The following TAC1 variants were observed in gnomAD, a reference collection of about 807,000 sequenced individuals.
The protein encoded by TAC1 is protachykinin-1.
Under a neutral mutation model 21.7 loss-of-function variants are expected in TAC1, and 12 were observed. That is an observed-to-expected ratio of 0.55 (90% CI 0.35 to 0.89). The LOEUF is 0.89. Among genes scored for constraint, TAC1 ranks in the 40% least tolerant of loss-of-function variants. The pLI is 0.01. For missense variants in TAC1, 128 were observed against 151.4 expected (o/e 0.85, Z 0.81); for synonymous variants, 52 against 52.0 (o/e 1.00, Z 0.00).
At chr7:97,733,585 A>C in intron 2 of TAC1, 138 bp from the exon 3 acceptor site, 1 of 715,534 alleles carries the variant, frequency 1.4e-6, no homozygotes, top group East Asian at 2.9e-5. Flanking sequence ...CTCGGGAGGG[A>C]CCCCGCTCAG....
chr7:97,733,599 G>C (rs1262513414), intron 2 of TAC1, 124 bp from the exon 3 acceptor site: 5 of 845,222 alleles, frequency 5.9e-6, no homozygotes, highest in South Asian at 4.9e-5. Flanking sequence ...CGCTCAGCCC[G>C]AGCGTGGGGA....
chr7:97,734,964 T>G (rs1584417068), intron 5 of TAC1, 115 bp downstream of exon 5: 1 of 780,988 alleles, frequency 1.3e-6, no homozygotes, highest in East Asian at 2.8e-5. Context: ...ATATGTTTAA[T>G]GAAGACAATA....
At chr7:97,739,113 C>T (rs965998118) in intron 6 of TAC1, among the ~76,000 whole-genome samples, 4 of 149,166 alleles carry the variant, frequency 2.7e-5, no homozygotes, top group African/African-American at 9.8e-5. Context: ...TAATGCTTCA[C>T]AGGCCATTAA....
At chr7:97,733,976 C>T in intron 3 of TAC1, 157 bp downstream of exon 3, 1 of 762,146 alleles carries the variant, frequency 1.3e-6, no homozygotes, top group Non-Finnish European at 2.1e-6. Flanking sequence ...CGCACTAAGG[C>T]ACGCACGGGC....
In TAC1 at chr7:97,739,824, T is replaced by A. The variant is rs752686193; in HGVS notation, c.344-50T>A. On this transcript the variant is annotated intron_variant, in intron 6 of 6. Coordinates refer to ENST00000319273, the MANE Select transcript of TAC1 (RefSeq NM_003182.3). ...ATGCCCTGAACTTTAGTTGTGTAAC[T>A]CCCTCAGTGAATTCACTTAAAAAAC... 3.6e-6 allele frequency: 5 copies of A among 1,401,004 alleles called. No individual in the cohort carries two copies. The South Asian group carries it at 5.0e-5, about 14-fold the overall frequency. The allele number at this position is 1,401,004 out of a possible 1,614,324, so 86.8% of individuals were successfully genotyped here. A position where few individuals can be genotyped will look rare whatever the true frequency, so the allele number is the denominator to read the frequency against.
At chr7:97,738,935 T>C (rs1223521628) in intron 6 of TAC1, among the ~76,000 whole-genome samples, 7 of 151,484 alleles carry the variant, frequency 4.6e-5, no homozygotes, top group Non-Finnish European at 1.0e-4. Context: ...AAAATACTTT[T>C]ATTGCAACAG....
rs774315492 is a variant in TAC1, at chr7:97,732,664, T to C, written c.52T>C (p.Phe18Leu). 1 of 1,614,104 alleles carries C rather than the reference T, an allele frequency of 6.2e-7. No homozygotes were observed. The highest frequency in any genetic ancestry group is 8.5e-7 in the Non-Finnish European group (1 of 1,180,008). The part of the protein sequence containing the change: ...AVFFLVSTQL[F>L]AEEIGANDDL... Reference sequence around the variant, plus strand: ...CTTTTTTCTTGTCTCCACTCAGCTGTTTGCAGAAGAAATAGGAGCCAATGA... The same window carrying C: ...CTTTTTTCTTGTCTCCACTCAGCTGCTTGCAGAAGAAATAGGAGCCAATGA... The change falls in exon 2 of 7, where the codon TTT becomes CTT. Residue 18 changes from phenylalanine to leucine, a missense_variant. By Grantham distance (22) the Phe-to-Leu change is conservative. Coordinates refer to ENST00000319273, the MANE Select transcript of TAC1 (RefSeq NM_003182.3). The surrounding 1 kb of genome is among the most constrained non-coding windows in gnomAD (Gnocchi z 6.2).
intron 6 of TAC1, among the ~76,000 whole-genome samples, chr7:97,739,005 T>C (rs545575171): frequency 1.3e-5 from 2 of 149,894 alleles, no homozygotes; most frequent in East Asian, 3.9e-4. Context: ...ATAAATATAA[T>C]ATAATATAAT....
At chr7:97,735,649 G>A (rs1433376198) in intron 5 of TAC1, among the ~76,000 whole-genome samples, 4 of 151,632 alleles carry the variant, frequency 2.6e-5, no homozygotes, top group East Asian at 1.9e-4. Flanking sequence ...TCTCTCACTA[G>A]CATTAAAATA....
intron 3 of TAC1, 177 bp downstream of exon 3, chr7:97,733,996 G>A: frequency 1.4e-6 from 1 of 709,326 alleles, no homozygotes; most frequent in Non-Finnish European, 2.3e-6. Flanking sequence ...CCCGCGGGGG[G>A]AGGGAAAGAT....
At position 97,732,988 on chromosome 7, in the gene TAC1, GA is replaced by G; in HGVS notation, c.123+254del. 1.4e-5 allele frequency: 6 copies of G among 419,970 alleles called. No individual in the cohort carries two copies. The South Asian group carries it at 1.6e-4, about 11-fold the overall frequency. The allele number at this position is 419,970 out of a possible 1,614,324, so 26.0% of individuals were successfully genotyped here. A position where few individuals can be genotyped will look rare whatever the true frequency, so the allele number is the denominator to read the frequency against. On this transcript the variant is annotated intron_variant, in intron 2 of 6. Transcript: ENST00000319273. The surrounding 1 kb of genome is among the most constrained non-coding windows in gnomAD (Gnocchi z 6.2). ...TCCCTGCAGTAGGGATGCCCTCCCGGATGAGCCCGAGATCCTCACAAGGCGG... is the reference window on the plus strand; with the variant it reads ...TCCCTGCAGTAGGGATGCCCTCCCGGTGAGCCCGAGATCCTCACAAGGCGG...
Position 97,732,762 on chromosome 7 carries a change from C to T in TAC1, c.123+27C>T. Reference sequence around the variant, plus strand: ...TGAGGCCCCTTCCCAGGACGGCCCGCACCCTTCTTCCTGGGCTCGGGAGCT... The same window carrying T: ...TGAGGCCCCTTCCCAGGACGGCCCGTACCCTTCTTCCTGGGCTCGGGAGCT... On this transcript the variant is annotated intron_variant, in intron 2 of 6. Transcript: ENST00000319273. The surrounding 1 kb of genome is among the most constrained non-coding windows in gnomAD (Gnocchi z 6.2). The T allele has an allele frequency of 6.2e-7, 1 of 1,605,014 alleles. No individual in the cohort carries two copies.
At chr7:97,736,383 A>T (rs1562784984) in intron 6 of TAC1, 31 bp downstream of exon 6, 1 of 1,552,572 alleles carries the variant, frequency 6.4e-7, no homozygotes, top group African/African-American at 1.4e-5. Flanking sequence ...GAAAATAGAC[A>T]GTATCTCAAA....
At chr7:97,735,895 G>A (rs2115839946) in intron 5 of TAC1, among the ~76,000 whole-genome samples, 1 of 152,080 alleles carries the variant, frequency 6.6e-6, no homozygotes, top group East Asian at 1.9e-4. Flanking sequence ...GTTTAATTAA[G>A]GTCTACTTGC....
intron 3 of TAC1, 84 bp downstream of exon 3, chr7:97,733,903 C>A: frequency 7.5e-7 from 1 of 1,338,992 alleles, no homozygotes; most frequent in Non-Finnish European, 1.1e-6. Flanking sequence ...GGGTCTCTCG[C>A]TCTGAATAGA....
intron 2 of TAC1, 102 bp from the exon 3 acceptor site, chr7:97,733,621 C>T: frequency 8.6e-7 from 1 of 1,167,888 alleles, no homozygotes; most frequent in Non-Finnish European, 1.2e-6. Context: ...GGCCGCCTCC[C>T]CACGCCTCGG....
chr7:97,735,126 G>T (rs1042543954), intron 5 of TAC1, among the ~76,000 whole-genome samples: 4 of 152,080 alleles, frequency 2.6e-5, no homozygotes. Flanking sequence ...CCTAGGATTA[G>T]AAATCTACCA....
At chr7:97,739,242 G>A (rs1487019582) in intron 6 of TAC1, among the ~76,000 whole-genome samples, 1 of 151,866 alleles carries the variant, frequency 6.6e-6, no homozygotes, top group African/African-American at 2.4e-5. Flanking sequence ...CACAAGGTAG[G>A]AAGAGACCCC....
chr7:97,734,081 CG>C, intron 3 of TAC1, 166 bp from the exon 4 acceptor site: 1 of 713,342 alleles, frequency 1.4e-6, no homozygotes, highest in Non-Finnish European at 2.3e-6. Flanking sequence ...AGGGAAGGCA[CG>C]GGCCTCCAGG....
Sources: gnomAD v4.1 joint callset for allele counts (sites outside exome capture counted in the v4.1 genomes callset) on GRCh38, gnomAD v4.1.1 for gene constraint, Gnocchi (gnomAD v3.1) non-coding constraint, MANE v1.5 for transcripts, NCBI Gene and HGNC (gene_info 2026-07-23, HGNC 2026-07-21) for gene names.